The following USP50 variants were observed in gnomAD, a reference collection of about 807,000 sequenced individuals.
USP50 encodes the protein ubiquitin carboxyl-terminal hydrolase 50.
Under a neutral mutation model 39.2 loss-of-function variants are expected in USP50, and 37 were observed. The ratio of observed to expected loss-of-function variants is 0.94; its 90% CI spans 0.73 to 1.24. The LOEUF is 1.24. Ranked by LOEUF, USP50 falls within the 50% of genes most tolerant of loss-of-function variation. The probability of loss-of-function intolerance (pLI) is 0.00; values close to 1 mark genes in which losing one functional copy is unlikely to be tolerated. For synonymous variants in USP50, 139 were observed against 144.5 expected, an observed-to-expected ratio of 0.96 and a Z score of 0.27; for missense variants, 374 against 398.2, an observed-to-expected ratio of 0.94 and a Z score of 0.52.
rs780634901 is a variant in USP50 at position 50,529,872 on chromosome 15, G to A, written c.861C>T (p.Leu287=). 1.4e-5 allele frequency: 23 copies of A among 1,613,994 alleles called. No homozygotes were observed. The highest frequency in any genetic ancestry group is 1.6e-4 in the Middle Eastern group (1 of 6,062). The change falls in exon 6 of 7, where the codon CTC becomes CTT. Residue 287 remains leucine (L), a synonymous_variant. Transcript: ENST00000532404. ...RKLRTDIHYP[L]TNLDLTPYIC... ...TATAAGGAGTGAGGTCCAAGTTAGTGAGTGGGTAATGAATATCCGTTCTCA... is the reference window on the plus strand; with the variant it reads ...TATAAGGAGTGAGGTCCAAGTTAGTAAGTGGGTAATGAATATCCGTTCTCA...
intron 6 of USP50, among the ~76,000 whole-genome samples, chr15:50,517,162 C>T (rs1000975476): frequency 6.6e-6 from 1 of 152,136 alleles, no homozygotes; most frequent in African/African-American, 2.4e-5. Flanking sequence ...AGAGGTCATA[C>T]AATAAGACTT....
chr15:50,494,049 T>TAAC (rs753155333), exon 2 of USP50: 3 of 1,593,424 alleles, frequency 1.9e-6, no homozygotes, highest in East Asian at 2.2e-5. Context: ...TTGTCTTTTG[T>TAAC]AACAACTTTT....
intron 1 of USP50, among the ~76,000 whole-genome samples, chr15:50,545,421 A>G (rs3109879): frequency 0.36 from 54,213 of 151,458 alleles, 10,692 homozygotes; most frequent in Admixed American, 0.48. Context: ...GTGTGGTGGT[A>G]TGTAAAAAAA....
chr15:50,518,366 A>G (rs1374168632), intron 6 of USP50, among the ~76,000 whole-genome samples: 1 of 151,336 alleles, frequency 6.6e-6, no homozygotes. Context: ...GGCTACAGGC[A>G]CCCACCACCA....
intron 6 of USP50, chr15:50,514,153 G>A (rs575939048): frequency 2.0e-5 from 3 of 152,216 alleles, no homozygotes; most frequent in African/African-American, 7.2e-5. Context: ...AAAGGAGCCA[G>A]ACACAAAAAA....
chr15:50,498,083 A>G (rs1407813495), downstream of USP50, among the ~76,000 whole-genome samples: 2 of 152,236 alleles, frequency 1.3e-5, no homozygotes, highest in African/African-American at 2.4e-5. Flanking sequence ...AATATTTTCA[A>G]AATTATGAAA....
intron 6 of USP50, among the ~76,000 whole-genome samples, chr15:50,528,487 T>C (rs189344186): frequency 4.6e-5 from 7 of 152,250 alleles, no homozygotes; most frequent in African/African-American, 1.4e-4. Flanking sequence ...TTTTTGTCAT[T>C]TGGATTTTCT....
At chr15:50,511,080 T>C (rs1253342261) in intron 6 of USP50, 1 of 152,222 alleles carries the variant, frequency 6.6e-6, no homozygotes, top group East Asian at 1.9e-4. Flanking sequence ...GCCCGGCCGA[T>C]GTACACCAAT....
intron 6 of USP50, among the ~76,000 whole-genome samples, chr15:50,522,029 A>T (rs1009836689): frequency 1.3e-5 from 2 of 152,166 alleles, no homozygotes; most frequent in Non-Finnish European, 2.9e-5. Flanking sequence ...GATCCTAAGA[A>T]ACTACTATAA....
chr15:50,522,147 A>C (rs3098194), intron 6 of USP50, among the ~76,000 whole-genome samples: 74,864 of 151,624 alleles, frequency 0.49, 18,814 homozygotes, highest in East Asian at 0.57. Flanking sequence ...CTGAAAAGGC[A>C]AGGCATGGTG....
chr15:50,544,390 TA>T (rs112012122), intron 2 of USP50, among the ~76,000 whole-genome samples, 196 bp downstream of exon 2: 8 of 146,556 alleles, frequency 5.5e-5, no homozygotes, highest in Middle Eastern at 3.5e-3. Flanking sequence ...AAATAAAAAA[TA>T]AAAAAAAAAG....
downstream of USP50, chr15:50,499,413 T>C (rs191879222): frequency 3.2e-4 from 58 of 181,646 alleles, no homozygotes; most frequent in East Asian, 5.5e-3. Flanking sequence ...TTCACTGTTA[T>C]GGCCTTTTCA....
At position 50,538,858 on chromosome 15, in the gene USP50, AGG is replaced by A; in HGVS notation, c.661-9_661-8del. 1 of 1,589,066 alleles carries A rather than the reference AGG, an allele frequency of 6.3e-7. No individual in the cohort carries two copies. Among genetic ancestry groups the A allele is most frequent in the Non-Finnish European group, 8.6e-7 (1 of 1,169,298 alleles). ...AAAAACATTGGAGACAGTCCTGTTA[AGG>A]AAAAAAAGGATTTGGTGACCAAATT... On this transcript the variant is annotated splice_region_variant and splice_polypyrimidine_tract_variant and intron_variant, in intron 4 of 6. Transcript: ENST00000532404.
At chr15:50,527,201 G>T (rs563956493) in intron 6 of USP50, among the ~76,000 whole-genome samples, 1 of 152,110 alleles carries the variant, frequency 6.6e-6, no homozygotes, top group African/African-American at 2.4e-5. Flanking sequence ...TGGGGCCTGA[G>T]ATTCTTTTTT....
intron 6 of USP50, chr15:50,508,551 ACT>A (rs2141348351): frequency 6.6e-6 from 1 of 152,318 alleles, no homozygotes; most frequent in Admixed American, 6.5e-5. Flanking sequence ...TACACTGGAC[ACT>A]CAGTTTAAAA....
chr15:50,503,854 A>G lies in USP50; in HGVS notation c.937-3017T>C, dbSNP rs1467189682. On this transcript the variant is annotated intron_variant, in intron 6 of 6. Transcript: ENST00000532404. ...ATTCAAAATAATAGAACATGCAAGG[A>G]AACAATTTATCATAAGAGTCAGAAG... The G allele has an allele frequency of 3.9e-5, 6 of 152,250 alleles. No individual in the cohort carries two copies. In the South Asian group the frequency reaches 1.2e-3, roughly 31 times the overall value. 9.4% of individuals were successfully genotyped at this position (152,250 alleles called of 1,614,324 possible). A position where few individuals can be genotyped will look rare whatever the true frequency, so the allele number is the denominator to read the frequency against.
At chr15:50,507,278 G>C (rs1196395355) in intron 6 of USP50, 2 of 152,436 alleles carry the variant, frequency 1.3e-5, no homozygotes, top group Non-Finnish European at 2.9e-5. Context: ...GTGAGACTCT[G>C]TCTCTAAAAC....
downstream of USP50, chr15:50,500,461 T>C: frequency 3.8e-6 from 1 of 262,340 alleles, no homozygotes; most frequent in Non-Finnish European, 7.5e-6. Context: ...TCACACTGCC[T>C]TTTTTAGTGA....
intron 6 of USP50, among the ~76,000 whole-genome samples, chr15:50,516,105 G>A (rs1028556956): frequency 6.6e-6 from 1 of 152,120 alleles, no homozygotes. Context: ...AGTAAAAGAT[G>A]TTTTATGTTA....
Sources: allele counts gnomAD v4.1 joint callset (sites outside exome capture counted in the v4.1 genomes callset), GRCh38; gene constraint gnomAD v4.1.1; transcripts MANE v1.5; gene names NCBI Gene and HGNC (gene_info 2026-07-23, HGNC 2026-07-21).